Variants in CCSER1 observed in about 807,000 individuals in gnomAD.
CCSER1 encodes coiled-coil serine rich protein 1.
Under a neutral mutation model 82.0 loss-of-function variants are expected in CCSER1, and 41 were observed. That is an observed-to-expected ratio of 0.50 (90% CI 0.39 to 0.65). CCSER1 has a LOEUF of 0.65. Among genes scored for constraint, CCSER1 ranks in the 30% least tolerant of loss-of-function variants. The pLI is 0.00. For missense variants in CCSER1, 1,119 were observed against 1,064.2 expected (o/e 1.05, Z -0.72); for synonymous variants, 414 against 383.9 (o/e 1.08, Z -0.92).
intron 7 of CCSER1, among the ~76,000 whole-genome samples, chr4:90,755,852 TA>T (rs1391538235): frequency 6.6e-6 from 1 of 152,226 alleles, no homozygotes; most frequent in African/African-American, 2.4e-5. Context: ...TTATATGCAA[TA>T]AGGAATTTAC....
At chr4:90,800,349 G>A (rs966669496) in intron 7 of CCSER1, among the ~76,000 whole-genome samples, 3 of 151,938 alleles carry the variant, frequency 2.0e-5, no homozygotes, top group East Asian at 1.9e-4. Context: ...GAAATCTTCC[G>A]CCTTGTCTTC....
intron 10 of CCSER1, among the ~76,000 whole-genome samples, chr4:91,551,695 ACACAC>A (rs1190069048): frequency 2.0e-5 from 3 of 147,826 alleles, no homozygotes; most frequent in Non-Finnish European, 4.5e-5. Flanking sequence ...ACACACACAC[ACACAC>A]AATCAGTCAA....
At chr4:90,238,960 C>T (rs1033924541) in intron 1 of CCSER1, among the ~76,000 whole-genome samples, 1 of 151,950 alleles carries the variant, frequency 6.6e-6, no homozygotes, top group Admixed American at 6.6e-5. Flanking sequence ...AAGCGATTCT[C>T]CTTCCTCAGC....
At chr4:90,292,881 A>G (rs1021293821) in intron 1 of CCSER1, among the ~76,000 whole-genome samples, 8 of 151,930 alleles carry the variant, frequency 5.3e-5, no homozygotes, top group African/African-American at 1.9e-4. Flanking sequence ...ACACAGAAAT[A>G]ATTATAAATG....
intron 8 of CCSER1, among the ~76,000 whole-genome samples, chr4:90,873,757 A>G (rs569649514): frequency 6.6e-6 from 1 of 152,256 alleles, no homozygotes; most frequent in East Asian, 1.9e-4. Flanking sequence ...CAATTTTTAA[A>G]GCTAACATTT....
intron 3 of CCSER1, among the ~76,000 whole-genome samples, chr4:90,382,883 T>G (rs543614277): frequency 0.011 from 726 of 66,352 alleles, 7 homozygotes; most frequent in African/African-American, 0.04. Flanking sequence ...TATTTATTGC[T>G]GAGTATTAAA....
chr4:90,448,010 T>G (rs1022511151), intron 4 of CCSER1, among the ~76,000 whole-genome samples: 1 of 152,154 alleles, frequency 6.6e-6, no homozygotes, highest in Non-Finnish European at 1.5e-5. Flanking sequence ...CTTCTCTAGA[T>G]AGAATGACAG....
Position 91,467,446 on chromosome 4 carries a change from A to T in CCSER1, c.2218-131126A>T, listed in dbSNP as rs192025906. Among the ~76,000 whole-genome samples, 693 of 152,252 alleles carry T rather than the reference A, an allele frequency of 4.6e-3. 7 individuals are homozygous for T. The highest frequency in any genetic ancestry group is 0.016 in the African/African-American group (674 of 41,574). ...CATTCAGGCCATAGGCATGGGCAAG[A>T]ACTTCATGTCTAAAAAACCAAAAGC... On this transcript the variant is annotated intron_variant, in intron 10 of 10. Transcript: ENST00000509176.
intron 9 of CCSER1, among the ~76,000 whole-genome samples, chr4:90,967,020 C>T (rs72665463): frequency 0.095 from 14,485 of 152,034 alleles, 879 homozygotes; most frequent in Admixed American, 0.17. Flanking sequence ...CTAAAATAAT[C>T]AAGGGAGTGT....
At chr4:90,341,155 T>C (rs1741306634) in intron 3 of CCSER1, among the ~76,000 whole-genome samples, 2 of 152,096 alleles carry the variant, frequency 1.3e-5, no homozygotes, top group South Asian at 4.1e-4. Context: ...ATCACTCCAT[T>C]TAGAAGATCA....
intron 10 of CCSER1, among the ~76,000 whole-genome samples, chr4:91,122,105 G>C (rs962034683): frequency 6.6e-6 from 1 of 151,600 alleles, no homozygotes; most frequent in Admixed American, 6.6e-5. Flanking sequence ...ACCTGACATG[G>C]AATATGGATT....
chr4:90,187,360 T>A (rs1734798234), intron 1 of CCSER1, among the ~76,000 whole-genome samples: 1 of 73,190 alleles, frequency 1.4e-5, no homozygotes, highest in Non-Finnish European at 2.2e-5. Flanking sequence ...CAGTAGCTAT[T>A]TTTTTTTTTT....
At chr4:90,639,059 T>C (rs1157110830) in intron 6 of CCSER1, among the ~76,000 whole-genome samples, 1 of 152,048 alleles carries the variant, frequency 6.6e-6, no homozygotes, top group African/African-American at 2.4e-5. Context: ...GGGTAGGCAC[T>C]CATGAACATG....
chr4:91,236,659 T>G (rs1439282583), intron 10 of CCSER1, among the ~76,000 whole-genome samples: 1 of 152,176 alleles, frequency 6.6e-6, no homozygotes, highest in African/African-American at 2.4e-5. Context: ...AAATAAAATA[T>G]TAAGACATAC....
intron 1 of CCSER1, among the ~76,000 whole-genome samples, chr4:90,146,876 AT>A (rs1725907487): frequency 6.6e-6 from 1 of 152,056 alleles, no homozygotes. Context: ...CACATGAATT[AT>A]TTCCCTTTGA....
At chr4:90,820,748 T>A (rs1182777680) in intron 8 of CCSER1, among the ~76,000 whole-genome samples, 1 of 151,060 alleles carries the variant, frequency 6.6e-6, no homozygotes, top group African/African-American at 2.4e-5. Context: ...ATTATATATA[T>A]TTTTATAGCT....
intron 10 of CCSER1, among the ~76,000 whole-genome samples, chr4:91,131,027 A>G (rs190563234): frequency 5.0e-4 from 76 of 152,032 alleles, no homozygotes; most frequent in Admixed American, 1.6e-3. Flanking sequence ...ATATGTTTGC[A>G]TGTATATTAG....
At chr4:90,482,130 T>G (rs1424358777) in intron 5 of CCSER1, among the ~76,000 whole-genome samples, 1 of 152,232 alleles carries the variant, frequency 6.6e-6, no homozygotes, top group Non-Finnish European at 1.5e-5. Context: ...ATTTATCCAT[T>G]TCTTCTAGAT....
At chr4:91,329,525 C>T (rs1746796820) in intron 10 of CCSER1, among the ~76,000 whole-genome samples, 1 of 152,170 alleles carries the variant, frequency 6.6e-6, no homozygotes. Context: ...TGGCTTTAAA[C>T]AGCATGTATT....
Sources: gnomAD v4.1 joint callset for allele counts (sites outside exome capture counted in the v4.1 genomes callset) on GRCh38, gnomAD v4.1.1 for gene constraint, MANE v1.5 for transcripts, NCBI Gene and HGNC (gene_info 2026-07-23, HGNC 2026-07-21) for gene names.